PRR16: variants seen among roughly 807,000 people sequenced by gnomAD.
The protein encoded by PRR16 is proline rich 16.
In PRR16, 6 loss-of-function variants were observed where a neutral mutation model predicts 18.2. That is an observed-to-expected ratio of 0.33 (90% CI 0.18 to 0.65). PRR16 has a LOEUF of 0.65. PRR16 is among the 30% of genes least tolerant of loss of function. The probability of loss-of-function intolerance (pLI) is 0.74; values close to 1 mark genes in which losing one functional copy is unlikely to be tolerated. For synonymous variants in PRR16, 151 were observed against 147.8 expected, an observed-to-expected ratio of 1.02 and a Z score of -0.16; for missense variants, 412 against 376.6, an observed-to-expected ratio of 1.09 and a Z score of -0.78.
the PRR16 span, among the ~76,000 whole-genome samples, chr5:120,730,050 A>C: frequency 6.6e-6 from 1 of 152,170 alleles, no homozygotes; most frequent in East Asian, 1.9e-4. Context: ...ATGAGACGTC[A>C]ACCAGAAATG....
At chr5:120,747,693 G>A in the PRR16 span, among the ~76,000 whole-genome samples, 1 of 152,022 alleles carries the variant, frequency 6.6e-6, no homozygotes, top group South Asian at 2.1e-4. Flanking sequence ...GTAGAATAAG[G>A]CGCTTTTTAG....
the PRR16 span, among the ~76,000 whole-genome samples, chr5:120,792,995 AT>A: frequency 6.7e-6 from 1 of 148,944 alleles, no homozygotes; most frequent in South Asian, 2.1e-4. Flanking sequence ...TCTACAAAAA[AT>A]AAAAAATTAG....
intron 1 of PRR16, among the ~76,000 whole-genome samples, chr5:120,539,561 A>G (rs1394913249): frequency 4.6e-5 from 7 of 152,272 alleles, no homozygotes; most frequent in East Asian, 1.9e-4. Flanking sequence ...CCTATCGGGT[A>G]TTATACTGAT....
chr5:120,697,645 G>A, the PRR16 span, among the ~76,000 whole-genome samples: 1 of 152,144 alleles, frequency 6.6e-6, no homozygotes, highest in African/African-American at 2.4e-5. Flanking sequence ...CGAAAAGAGA[G>A]TCAGCGAAGG....
chr5:120,748,547 T>G, the PRR16 span, among the ~76,000 whole-genome samples: 1 of 152,108 alleles, frequency 6.6e-6, no homozygotes, highest in Non-Finnish European at 1.5e-5. Context: ...ACATAATTAT[T>G]TAATCTAAAA....
chr5:120,665,011 A>C (rs1159330801), intron 1 of PRR16, among the ~76,000 whole-genome samples: 1 of 151,360 alleles, frequency 6.6e-6, no homozygotes, highest in African/African-American at 2.4e-5. Context: ...TTCTAGTTCT[A>C]GATCCCTGAG....
At chr5:120,630,139 A>G (rs1321368166) in intron 1 of PRR16, among the ~76,000 whole-genome samples, 1 of 151,684 alleles carries the variant, frequency 6.6e-6, no homozygotes, top group Admixed American at 6.6e-5. Context: ...TTCTTTCTCA[A>G]TTTCTATCAA....
chr5:120,668,074 A>G (rs1381825384), intron 1 of PRR16, among the ~76,000 whole-genome samples: 3 of 152,048 alleles, frequency 2.0e-5, no homozygotes, highest in Non-Finnish European at 4.4e-5. Flanking sequence ...TCCCACTATT[A>G]TTGTGTGGGA....
At chr5:120,715,368 C>T in the PRR16 span, among the ~76,000 whole-genome samples, 1 of 152,132 alleles carries the variant, frequency 6.6e-6, no homozygotes, top group Non-Finnish European at 1.5e-5. Flanking sequence ...ACGTTTATAG[C>T]CCTTACTACT....
At chr5:120,714,062 T>C in the PRR16 span, among the ~76,000 whole-genome samples, 4 of 152,116 alleles carry the variant, frequency 2.6e-5, no homozygotes, top group Non-Finnish European at 5.9e-5. Context: ...AATTCTGTAA[T>C]GTAATGTCTT....
At chr5:120,547,937 GA>G (rs973106536) in intron 1 of PRR16, among the ~76,000 whole-genome samples, 5 of 151,476 alleles carry the variant, frequency 3.3e-5, no homozygotes, top group African/African-American at 1.2e-4. Flanking sequence ...TTAGCAATAT[GA>G]AAAAAAAGCC....
intron 1 of PRR16, among the ~76,000 whole-genome samples, chr5:120,490,271 C>T (rs531980156): frequency 5.6e-4 from 85 of 152,268 alleles, no homozygotes; most frequent in South Asian, 2.7e-3. Flanking sequence ...CCATTCTCCC[C>T]GTCACTTTCA....
chr5:120,711,298 T>C, the PRR16 span, among the ~76,000 whole-genome samples: 1 of 152,184 alleles, frequency 6.6e-6, no homozygotes, highest in Non-Finnish European at 1.5e-5. Context: ...AATTATTTAA[T>C]TTATAATTTA....
intron 1 of PRR16, among the ~76,000 whole-genome samples, chr5:120,514,499 G>A (rs1341852517): frequency 6.6e-6 from 1 of 151,938 alleles, no homozygotes; most frequent in Admixed American, 6.6e-5. Context: ...TCTGTTTTCT[G>A]CCATTTTATT....
chr5:120,723,617 T>A, the PRR16 span, among the ~76,000 whole-genome samples: 1 of 151,924 alleles, frequency 6.6e-6, no homozygotes, highest in Non-Finnish European at 1.5e-5. Flanking sequence ...CAGACAGAAA[T>A]AAGACTCTTG....
At chr5:120,678,722 T>G (rs1056170300) in intron 1 of PRR16, among the ~76,000 whole-genome samples, 1 of 152,198 alleles carries the variant, frequency 6.6e-6, no homozygotes, top group African/African-American at 2.4e-5. Context: ...TAAGATCATA[T>G]CATCTGCAAA....
chr5:120,612,893 T>C lies in PRR16; in HGVS notation c.160-73061T>C, dbSNP rs908569182. Among the ~76,000 whole-genome samples, 10 of 152,286 alleles carry C rather than the reference T, an allele frequency of 6.6e-5. No homozygotes were observed. In the East Asian group the frequency reaches 9.6e-4, roughly 15 times the overall value. On this transcript the variant is annotated intron_variant, in intron 1 of 1. Coordinates refer to ENST00000407149, the MANE Select transcript of PRR16 (RefSeq NM_001300783.2). ...TTTGAGTATTAATGCATGTATTCCC[T>C]TGAGACTGGGCACTCAAATGGGATG... is the stretch of plus-strand genomic sequence containing the variant.
chr5:120,668,937 A>G (rs1580858282), intron 1 of PRR16, among the ~76,000 whole-genome samples: 1 of 152,260 alleles, frequency 6.6e-6, no homozygotes, highest in Non-Finnish European at 1.5e-5. Flanking sequence ...CATCAAATAA[A>G]TGTTTTAAGA....
At chr5:120,785,575 G>GTTTTTTTTTTTTTTT in the PRR16 span, among the ~76,000 whole-genome samples, 4 of 115,410 alleles carry the variant, frequency 3.5e-5, no homozygotes, top group African/African-American at 6.8e-5. Flanking sequence ...TGTTGTTGTT[G>GTTTTTTTTTTTTTTT]TTTTTTTTTT....
Sources: gnomAD v4.1 joint callset for allele counts (sites outside exome capture counted in the v4.1 genomes callset) on GRCh38, gnomAD v4.1.1 for gene constraint, MANE v1.5 for transcripts, NCBI Gene and HGNC (gene_info 2026-07-23, HGNC 2026-07-21) for gene names.